Variants in HERC2 observed in about 807,000 individuals in gnomAD.
The protein encoded by HERC2 is HECT and RLD domain containing E3 ubiquitin protein ligase 2.
HERC2 carries 102 observed loss-of-function variants against 537.7 expected under a neutral mutation model. The observed-to-expected ratio is 0.19, with a 90% CI of 0.16 to 0.22. The LOEUF (loss-of-function observed/expected upper bound fraction) is 0.22, where lower values mean the gene tolerates loss of function less well. Ranked by LOEUF, HERC2 falls within the 10% of genes least tolerant of loss-of-function variation. The pLI, the probability that HERC2 is intolerant of heterozygous loss-of-function variation, is 1.00. For synonymous variants in HERC2, 2,224 were observed against 2,466.2 expected (o/e 0.90, Z 2.91); for missense variants, 4,236 against 6,198.2 (o/e 0.68, Z 10.63).
At chr15:28,118,121 C>T (rs911093411) in intron 86 of HERC2, 1 of 167,610 alleles carries the variant, frequency 6.0e-6, no homozygotes, top group Admixed American at 5.4e-5. Context: ...AACTTGTCTG[C>T]GTGCCACACA....
intron 68 of HERC2, among the ~76,000 whole-genome samples, chr15:28,165,211 C>A (rs1469500592): frequency 2.0e-5 from 3 of 152,074 alleles, no homozygotes; most frequent in African/African-American, 7.2e-5. Context: ...GTAGGGTGAC[C>A]ATGGAGGACC....
chr15:28,188,729 A>G (rs1392363588), intron 55 of HERC2, among the ~76,000 whole-genome samples: 2 of 152,052 alleles, frequency 1.3e-5, no homozygotes, highest in Non-Finnish European at 2.9e-5. Flanking sequence ...AATGTTGATA[A>G]ATGTTGAAGC....
chr15:28,298,817 G>C (rs1347426352), intron 3 of HERC2, among the ~76,000 whole-genome samples: 1 of 151,790 alleles, frequency 6.6e-6, no homozygotes, highest in Admixed American at 6.6e-5. Flanking sequence ...AGAAGAAGAA[G>C]AAATACTTTC....
chr15:28,165,889 C>G (rs1894087946), intron 68 of HERC2, among the ~76,000 whole-genome samples: 1 of 152,222 alleles, frequency 6.6e-6, no homozygotes, highest in Admixed American at 6.5e-5. Flanking sequence ...CAAACAGCAA[C>G]AAGCACACAA....
Position 28,144,097 on chromosome 15 carries a change from C to A in HERC2, c.11279G>T (p.Cys3760Phe). 1 of 1,614,154 alleles carries A rather than the reference C, an allele frequency of 6.2e-7. No homozygotes were observed. The highest frequency in any genetic ancestry group is 8.5e-7 in the Non-Finnish European group (1 of 1,180,046). ...TTTACCTAGGGCACTCAGCTGTGCA[C>A]AAGCTGCCAGCGAGGCCGCAAGGCG... ...VPRLAASLAA[C>F]AQLSALAASH... The change falls in exon 73 of 93, where the codon TGT becomes TTT. Residue 3760 changes from cysteine (C) to phenylalanine (F), a missense_variant. By Grantham distance (205) the Cys-to-Phe change is radical. Around this residue, in one of 27 missense-constraint regions of HERC2, gnomAD observed 109 missense variants for 133.5 expected, o/e 0.82. Coordinates refer to ENST00000261609, the MANE Select transcript of HERC2 (RefSeq NM_004667.6).
chr15:28,182,591 A>C, intron 56 of HERC2, 79 bp from the exon 57 acceptor site: 1 of 1,087,764 alleles, frequency 9.2e-7, no homozygotes, highest in Non-Finnish European at 1.3e-6. Flanking sequence ...AAAGAAAAGC[A>C]ACCTCAAGCA....
At chr15:28,142,589 T>A in intron 75 of HERC2, 196 bp from the exon 76 acceptor site, 1 of 636,168 alleles carries the variant, frequency 1.6e-6, no homozygotes, top group Non-Finnish European at 2.8e-6. Flanking sequence ...GCAACACTTG[T>A]TGCCTGCATC....
chr15:28,237,890 T>C (rs1446202190), intron 25 of HERC2, among the ~76,000 whole-genome samples: 2 of 152,346 alleles, frequency 1.3e-5, no homozygotes, highest in East Asian at 3.9e-4. Flanking sequence ...TTCTCACAAA[T>C]TGATCATTTA....
At chr15:28,185,206 A>G (rs1896191626) in intron 56 of HERC2, among the ~76,000 whole-genome samples, 1 of 149,368 alleles carries the variant, frequency 6.7e-6, no homozygotes, top group Non-Finnish European at 1.5e-5. Flanking sequence ...ATTTATTACC[A>G]GAACTACTAC....
intron 86 of HERC2, 125 bp downstream of exon 86, chr15:28,121,221 C>A: frequency 2.6e-6 from 2 of 761,498 alleles, no homozygotes; most frequent in Non-Finnish European, 4.5e-6. Flanking sequence ...AGGAAGGTGG[C>A]ACCTGCTCTT....
intron 6 of HERC2, among the ~76,000 whole-genome samples, 159 bp downstream of exon 6, chr15:28,274,741 AAAGCC>A (rs1473460701): frequency 1.3e-5 from 2 of 152,180 alleles, no homozygotes; most frequent in African/African-American, 4.8e-5. Context: ...ACAGATGTGA[AAAGCC>A]AAACAGCCTC....
chr15:28,264,326 C>G (rs936093406), intron 14 of HERC2, among the ~76,000 whole-genome samples: 1 of 152,174 alleles, frequency 6.6e-6, no homozygotes, highest in Non-Finnish European at 1.5e-5. Context: ...CCTGCAAAAA[C>G]AGGCCAACCC....
At chr15:28,149,657 C>T (rs936898518) in intron 70 of HERC2, among the ~76,000 whole-genome samples, 6 of 151,484 alleles carry the variant, frequency 4.0e-5, no homozygotes, top group African/African-American at 1.2e-4. Context: ...GTAAAATTAC[C>T]GAAAAAATAC....
chr15:28,274,638 G>C (rs1480698612), intron 6 of HERC2, among the ~76,000 whole-genome samples, 191 bp from the exon 7 acceptor site: 1 of 152,172 alleles, frequency 6.6e-6, no homozygotes, highest in Non-Finnish European at 1.5e-5. Flanking sequence ...CTAACTTCTT[G>C]TCCTTCTAGA....
chr15:28,166,627 G>A (rs1894164255), intron 68 of HERC2, among the ~76,000 whole-genome samples: 1 of 152,160 alleles, frequency 6.6e-6, no homozygotes, highest in African/African-American at 2.4e-5. Context: ...GCACAGTTGT[G>A]CCAGAAATGA....
intron 16 of HERC2, 42 bp downstream of exon 16, chr15:28,260,735 C>A: frequency 2.5e-6 from 4 of 1,572,266 alleles, no homozygotes; most frequent in Non-Finnish European, 3.5e-6. Context: ...AACTGGAAAC[C>A]AAAATCCTCC....
chr15:28,307,601 C>CG (rs1258263390), intron 2 of HERC2, among the ~76,000 whole-genome samples: 1 of 152,166 alleles, frequency 6.6e-6, no homozygotes, highest in Non-Finnish European at 1.5e-5. Context: ...CTTCACTGAC[C>CG]TGTTGGTCAT....
chr15:28,275,396 G>T (rs1320825601), intron 5 of HERC2, among the ~76,000 whole-genome samples: 1 of 152,220 alleles, frequency 6.6e-6, no homozygotes, highest in African/African-American at 2.4e-5. Flanking sequence ...GCCGCAGAGG[G>T]TAGCCTGGCT....
intron 64 of HERC2, 97 bp from the exon 65 acceptor site, chr15:28,174,717 G>A (rs576275650): frequency 1.7e-4 from 168 of 1,009,706 alleles, no homozygotes; most frequent in African/African-American, 4.1e-4. Context: ...CGTATGCCAC[G>A]GTAGTTGAAA....
Sources: gnomAD v4.1 joint callset for allele counts (sites outside exome capture counted in the v4.1 genomes callset) on GRCh38, gnomAD v4.1.1 for gene constraint, gnomAD v4.1.1 regional missense constraint, MANE v1.5 for transcripts, NCBI Gene and HGNC (gene_info 2026-07-23, HGNC 2026-07-21) for gene names.